The following GSG1L variants were observed in gnomAD, a reference collection of about 807,000 sequenced individuals.
GSG1L encodes GSG1 like, also known as germ cell-specific gene 1-like protein.
GSG1L carries 24 observed loss-of-function variants against 42.1 expected under a neutral mutation model. That is an observed-to-expected ratio of 0.57 (90% CI 0.41 to 0.80). The LOEUF is 0.80. Ranked by LOEUF, GSG1L falls within the 30% of genes least tolerant of loss-of-function variation. The probability of loss-of-function intolerance (pLI) is 0.00; values close to 1 mark genes in which losing one functional copy is unlikely to be tolerated. For missense variants in GSG1L, 445 were observed against 472.2 expected, an observed-to-expected ratio of 0.94 and a Z score of 0.53; for synonymous variants, 215 against 203.5, an observed-to-expected ratio of 1.06 and a Z score of -0.48.
intron 3 of GSG1L, among the ~76,000 whole-genome samples, chr16:27,869,694 T>A (rs555724998): frequency 7.6e-6 from 1 of 132,098 alleles, no homozygotes; most frequent in Non-Finnish European, 1.6e-5. Context: ...TCTGTCTCTG[T>A]CTCCCTCCAT....
intron 1 of GSG1L, among the ~76,000 whole-genome samples, chr16:28,000,437 C>T (rs1373944402): frequency 6.6e-6 from 1 of 152,230 alleles, no homozygotes; most frequent in African/African-American, 2.4e-5. Flanking sequence ...GATCCCCCAG[C>T]AGATAATCCA....
intron 2 of GSG1L, among the ~76,000 whole-genome samples, chr16:27,894,818 T>A (rs1420538774): frequency 6.6e-6 from 1 of 151,906 alleles, no homozygotes; most frequent in Admixed American, 6.6e-5. Context: ...TGTCACAGAG[T>A]AAGTCAGGAG....
intron 1 of GSG1L, among the ~76,000 whole-genome samples, chr16:28,062,750 A>C (rs1385164330): frequency 6.6e-6 from 1 of 152,156 alleles, no homozygotes; most frequent in South Asian, 2.1e-4. Flanking sequence ...AGCGGAAAGC[A>C]GCGCGCGCCC....
chr16:28,035,414 G>C (rs1056262300), intron 1 of GSG1L, among the ~76,000 whole-genome samples: 6 of 152,120 alleles, frequency 3.9e-5, no homozygotes, highest in African/African-American at 1.4e-4. Flanking sequence ...AATCCCCACT[G>C]CTAGCTTTTC....
intron 1 of GSG1L, among the ~76,000 whole-genome samples, chr16:28,014,986 G>A (rs2085764112): frequency 6.6e-6 from 1 of 152,190 alleles, no homozygotes; most frequent in African/African-American, 2.4e-5. Context: ...AGGAGGCACT[G>A]GTGTAACTAC....
At chr16:27,963,066 G>T in intron 2 of GSG1L, 90 bp downstream of exon 2, 1 of 1,069,822 alleles carries the variant, frequency 9.3e-7, no homozygotes, top group Non-Finnish European at 1.4e-6. Flanking sequence ...TGAAGAAGAT[G>T]CTATCACAGG....
At chr16:28,008,870 G>A (rs970025074) in intron 1 of GSG1L, among the ~76,000 whole-genome samples, 10 of 152,204 alleles carry the variant, frequency 6.6e-5, no homozygotes, top group South Asian at 2.1e-4. Context: ...GTACAGTGGC[G>A]GGATTTCGGA....
In GSG1L at chr16:28,063,035, G is replaced by A; in HGVS notation, c.349+41C>T. 1 of 1,359,708 alleles carries A rather than the reference G, an allele frequency of 7.4e-7. No homozygotes were observed. Among genetic ancestry groups the A allele is most frequent in the South Asian group, 1.6e-5 (1 of 63,612 alleles). 84.2% of individuals were successfully genotyped at this position (1,359,708 alleles called of 1,614,324 possible). ...GGCCTCGATGGCCGCGCCGCCCCGG[G>A]GGAGCCGGAGCCGAGCTGGCCGCCG... On this transcript the variant is annotated intron_variant, in intron 1 of 6. Coordinates refer to ENST00000447459, the MANE Select transcript of GSG1L (RefSeq NM_001109763.2). This position sits in a 1 kb window ranked among gnomAD's most constrained non-coding sequence, Gnocchi z 5.8.
At chr16:27,804,098 C>CAGAG (rs148259449) in intron 6 of GSG1L, among the ~76,000 whole-genome samples, 1 of 144,914 alleles carries the variant, frequency 6.9e-6, no homozygotes, top group Non-Finnish European at 1.5e-5. Context: ...TAGGGAGGGA[C>CAGAG]AGAGAGAGAG....
chr16:27,893,554 A>C (rs1379795449), intron 2 of GSG1L, among the ~76,000 whole-genome samples: 6 of 152,168 alleles, frequency 3.9e-5, no homozygotes, highest in Non-Finnish European at 8.8e-5. Flanking sequence ...AATAAGTGTC[A>C]TTATTCACAA....
At chr16:28,020,511 T>C (rs561658611) in intron 1 of GSG1L, among the ~76,000 whole-genome samples, 1 of 152,276 alleles carries the variant, frequency 6.6e-6, no homozygotes, top group African/African-American at 2.4e-5. Flanking sequence ...CACTTAATCC[T>C]CACAAAAACT....
chr16:27,916,864 A>C (rs1216195040), intron 2 of GSG1L, among the ~76,000 whole-genome samples: 1 of 117,518 alleles, frequency 8.5e-6, no homozygotes, highest in East Asian at 2.4e-4. Context: ...GAAAAAATAA[A>C]ATTAAAATCA....
chr16:27,889,457 A>T (rs1709792), intron 2 of GSG1L, among the ~76,000 whole-genome samples: 91,586 of 151,986 alleles, frequency 0.6, 28,200 homozygotes, highest in Admixed American at 0.73. Context: ...CTTTATTATG[A>T]GCCAAGTCAA....
chr16:27,978,817 C>T (rs1362669387), intron 1 of GSG1L, among the ~76,000 whole-genome samples: 2 of 150,892 alleles, frequency 1.3e-5, no homozygotes, highest in East Asian at 3.9e-4. Flanking sequence ...TAGTTGTTTG[C>T]TATTAAGGTT....
At chr16:27,947,197 G>A (rs2084882681) in intron 2 of GSG1L, among the ~76,000 whole-genome samples, 1 of 152,120 alleles carries the variant, frequency 6.6e-6, no homozygotes, top group South Asian at 2.1e-4. Context: ...TGCAATCACA[G>A]CTCACTGCAG....
At chr16:28,041,754 C>G (rs2086108416) in intron 1 of GSG1L, among the ~76,000 whole-genome samples, 1 of 152,230 alleles carries the variant, frequency 6.6e-6, no homozygotes, top group Non-Finnish European at 1.5e-5. Flanking sequence ...GATTCTTCCT[C>G]TCATAGCACC....
chr16:27,873,940 AG>A (rs1567498502), intron 3 of GSG1L, among the ~76,000 whole-genome samples: 1 of 152,182 alleles, frequency 6.6e-6, no homozygotes. Flanking sequence ...CAAATGCTTA[AG>A]GCATTAGTCC....
chr16:27,803,187 T>G (rs964445882), intron 6 of GSG1L, among the ~76,000 whole-genome samples: 5 of 152,096 alleles, frequency 3.3e-5, no homozygotes, highest in Non-Finnish European at 7.4e-5. Flanking sequence ...GTCACTTATC[T>G]GATGCTGTCC....
chr16:27,908,483 CT>C (rs1234823760), intron 2 of GSG1L, among the ~76,000 whole-genome samples: 3 of 152,318 alleles, frequency 2.0e-5, no homozygotes, highest in African/African-American at 7.2e-5. Flanking sequence ...ACACTTTGGT[CT>C]GTTTCCTAGT....
Sources: gnomAD v4.1 joint callset for allele counts (sites outside exome capture counted in the v4.1 genomes callset) on GRCh38, gnomAD v4.1.1 for gene constraint, Gnocchi (gnomAD v3.1) non-coding constraint, MANE v1.5 for transcripts, NCBI Gene and HGNC (gene_info 2026-07-23, HGNC 2026-07-21) for gene names.